The following DPP8 variants were observed in gnomAD, a reference collection of about 807,000 sequenced individuals.
The protein encoded by DPP8 is DPP VIII.
Under a neutral mutation model 107.5 loss-of-function variants are expected in DPP8, and 31 were observed. The observed-to-expected ratio is 0.29, with a 90% CI of 0.22 to 0.39. The LOEUF (loss-of-function observed/expected upper bound fraction) is 0.39. Ranked by LOEUF, DPP8 falls within the 10% of genes least tolerant of loss-of-function variation. The pLI is 1.00. For synonymous variants in DPP8, 381 were observed against 356.6 expected (o/e 1.07, Z -0.77); for missense variants, 842 against 1,076.1 (o/e 0.78, Z 3.04).
Position 65,500,723 on chromosome 15 carries a change from T to C in DPP8, c.429A>G (p.Lys143=). The stretch of plus-strand genomic sequence containing the variant: ...AAGCAATTCCGACTGTTCCAATGCG[T>C]TTTCTTTCTCTTAATAGTTCTTCTT... The part of the protein sequence containing the change: ...SREEELLRER[K]RIGTVGIASY... Residue 143 remains lysine (K), a synonymous_variant, in exon 4 of 20, where the codon AAA becomes AAG. Coordinates refer to ENST00000300141, the MANE Select transcript of DPP8 (RefSeq NM_130434.5). 3 of 1,614,036 alleles carry C rather than the reference T, an allele frequency of 1.9e-6. No homozygotes were observed. Among genetic ancestry groups the C allele is most frequent in the Non-Finnish European group, 2.5e-6 (3 of 1,179,948 alleles).
intron 1 of DPP8, chr15:65,515,540 C>T: frequency 1.2e-6 from 1 of 820,368 alleles, no homozygotes; most frequent in South Asian, 1.6e-5. Flanking sequence ...AAATAGGTGA[C>T]CTGAATTTTC....
At chr15:65,471,353 T>C (rs1455986876) in intron 12 of DPP8, among the ~76,000 whole-genome samples, 2 of 152,170 alleles carry the variant, frequency 1.3e-5, no homozygotes, top group Non-Finnish European at 2.9e-5. Flanking sequence ...GTTTTTGTTG[T>C]TGCTGTTGTT....
At chr15:65,491,686 A>T (rs1207255322) in intron 5 of DPP8, among the ~76,000 whole-genome samples, 1 of 152,192 alleles carries the variant, frequency 6.6e-6, no homozygotes, top group Non-Finnish European at 1.5e-5. Flanking sequence ...TTATCTGTTA[A>T]TGGATATCTT....
chr15:65,461,699 G>A (rs1264819643), intron 15 of DPP8, among the ~76,000 whole-genome samples: 1 of 151,906 alleles, frequency 6.6e-6, no homozygotes, highest in African/African-American at 2.4e-5. Flanking sequence ...CAGCACCTGG[G>A]TTCAAACGAT....
intron 12 of DPP8, among the ~76,000 whole-genome samples, chr15:65,469,112 A>T (rs1789884728): frequency 6.6e-6 from 1 of 151,930 alleles, no homozygotes; most frequent in South Asian, 2.1e-4. Flanking sequence ...AGTAGCTGGG[A>T]TTACAGGCAT....
chr15:65,465,010 T>C (rs1001338795), intron 14 of DPP8, among the ~76,000 whole-genome samples: 3 of 152,110 alleles, frequency 2.0e-5, no homozygotes, highest in African/African-American at 7.2e-5. Context: ...TCATTAGCTT[T>C]TGGTTCACCA....
In DPP8 at chr15:65,442,527, T is replaced by C. The variant is rs1347223875; in HGVS notation, c.*4357A>G. ...CTGTAATAAAATGCAAGAAAACTAATGTTTCACTTTACATGATTAAAAGCC... is the reference window on the plus strand; with the variant it reads ...CTGTAATAAAATGCAAGAAAACTAACGTTTCACTTTACATGATTAAAAGCC... On this transcript the variant is annotated 3_prime_UTR_variant, in exon 20 of 20. Transcript: ENST00000300141. The C allele has an allele frequency of 1.3e-5, 2 of 152,218 alleles. No individual in the cohort carries two copies. Among genetic ancestry groups the C allele is most frequent in the Non-Finnish European group, 2.9e-5 (2 of 68,032 alleles). 9.4% of individuals were successfully genotyped at this position (152,218 alleles called of 1,614,324 possible). A position where few individuals can be genotyped will look rare whatever the true frequency, so the allele number is the denominator to read the frequency against.
intron 4 of DPP8, 58 bp from the exon 5 acceptor site, chr15:65,498,090 C>T (rs547155255): frequency 7.9e-7 from 1 of 1,265,056 alleles, no homozygotes; most frequent in Admixed American, 2.3e-5. Context: ...CATGTTCCAG[C>T]ACCCTTCCTA....
chr15:65,497,411 C>T (rs2068720925), intron 5 of DPP8, among the ~76,000 whole-genome samples: 1 of 152,094 alleles, frequency 6.6e-6, no homozygotes, highest in Non-Finnish European at 1.5e-5. Flanking sequence ...TGCCACTACG[C>T]TCAGCTAATT....
intron 2 of DPP8, among the ~76,000 whole-genome samples, chr15:65,508,849 T>C (rs1037239162): frequency 6.8e-6 from 1 of 147,136 alleles, no homozygotes; most frequent in Non-Finnish European, 1.5e-5. Context: ...CAAAACTCCA[T>C]CTCAAAAAAA....
At chr15:65,479,424 G>A (rs988830431) in intron 10 of DPP8, among the ~76,000 whole-genome samples, 12 of 152,036 alleles carry the variant, frequency 7.9e-5, no homozygotes, top group African/African-American at 2.9e-4. Context: ...AATAGTTCAG[G>A]GGAAAACAGG....
At chr15:65,466,937 T>C (rs2065412128) in intron 13 of DPP8, 124 bp from the exon 14 acceptor site, 3 of 1,419,884 alleles carry the variant, frequency 2.1e-6, no homozygotes, top group Non-Finnish European at 2.9e-6. Context: ...TATACAATGT[T>C]GAAATTAAGC....
chr15:65,460,796 T>G (rs2064853524), intron 15 of DPP8, among the ~76,000 whole-genome samples: 1 of 152,228 alleles, frequency 6.6e-6, no homozygotes, highest in Admixed American at 6.5e-5. Context: ...TATGGCTGTA[T>G]AAGTATCTGT....
At chr15:65,477,134 T>TA (rs1450667133) in intron 11 of DPP8, among the ~76,000 whole-genome samples, 2 of 152,108 alleles carry the variant, frequency 1.3e-5, no homozygotes, top group Non-Finnish European at 2.9e-5. Context: ...AACATGAACA[T>TA]AATCAGCCGG....
chr15:65,491,517 C>A (rs1315097850), intron 5 of DPP8, among the ~76,000 whole-genome samples: 2 of 152,152 alleles, frequency 1.3e-5, no homozygotes, highest in Non-Finnish European at 2.9e-5. Flanking sequence ...ATTTCTATCA[C>A]CAGAGGTCAG....
intron 14 of DPP8, 67 bp downstream of exon 14, chr15:65,466,611 G>C: frequency 7.2e-7 from 1 of 1,389,242 alleles, no homozygotes; most frequent in East Asian, 2.3e-5. Context: ...GTGAAAATAT[G>C]ACACACGTTT....
At chr15:65,454,851 A>C (rs1003315892) in intron 16 of DPP8, among the ~76,000 whole-genome samples, 1 of 152,078 alleles carries the variant, frequency 6.6e-6, no homozygotes, top group Admixed American at 6.6e-5. Context: ...ATTAGAGTTT[A>C]TTACCAACTG....
intron 17 of DPP8, 105 bp downstream of exon 17, chr15:65,454,156 AAT>A: frequency 1.0e-5 from 9 of 897,770 alleles, no homozygotes; most frequent in Middle Eastern, 2.8e-4. Flanking sequence ...AAAAAAAAAA[AAT>A]TGCCAACTCT....
intron 19 of DPP8, among the ~76,000 whole-genome samples, chr15:65,448,578 A>C (rs986776211): frequency 4.0e-5 from 6 of 148,994 alleles, no homozygotes; most frequent in Non-Finnish European, 7.4e-5. Flanking sequence ...AGGCTGGGGC[A>C]GTAGAATGGC....
Sources: allele counts gnomAD v4.1 joint callset (sites outside exome capture counted in the v4.1 genomes callset), GRCh38; gene constraint gnomAD v4.1.1; transcripts MANE v1.5; gene names NCBI Gene and HGNC (gene_info 2026-07-23, HGNC 2026-07-21).